FOXN4: variants seen among roughly 807,000 people sequenced by gnomAD.
The protein encoded by FOXN4 is forkhead box protein N4.
Under a neutral mutation model 45.0 loss-of-function variants are expected in FOXN4, and 12 were observed. The ratio of observed to expected loss-of-function variants is 0.27; its 90% confidence interval spans 0.17 to 0.43. The LOEUF (loss-of-function observed/expected upper bound fraction) is 0.43. FOXN4 is among the 20% of genes least tolerant of loss of function. The pLI is 1.00. For synonymous variants in FOXN4, 297 were observed against 295.0 expected, an observed-to-expected ratio of 1.01 and a Z score of -0.07; for missense variants, 560 against 694.9, an observed-to-expected ratio of 0.81 and a Z score of 2.18.
intron 6 of FOXN4, 172 bp from the exon 7 acceptor site, chr12:109,286,916 C>G (rs2047718172): frequency 7.0e-7 from 1 of 1,419,798 alleles, no homozygotes; most frequent in Non-Finnish European, 9.2e-7. Context: ...CGATGTCTTT[C>G]CCACCCTTTG....
chr12:109,290,251 C>G lies in FOXN4; in HGVS notation c.122G>C (p.Gly41Ala). The change falls in exon 3 of 10, where the codon GGG (glycine) becomes GCG (alanine). Residue 41 changes from glycine to alanine, a missense_variant. By Grantham distance (60) the Gly-to-Ala change is moderately conservative. Transcript: ENST00000299162. The surrounding 1 kb of genome is among the most constrained non-coding windows in gnomAD (Gnocchi z 5.1). ...LATTSDDDLP[G>A]DLQSLSWLTA... Reference sequence around the variant, plus strand: ...GAGCCACGACAGCGACTGCAGGTCCCCGGGAAGGTCATCATCGCTGGTGGT... The same window carrying G: ...GAGCCACGACAGCGACTGCAGGTCCGCGGGAAGGTCATCATCGCTGGTGGT... The G allele has an allele frequency of 6.4e-7, 1 of 1,551,198 alleles. No individual in the cohort carries two copies. The highest frequency in any genetic ancestry group is 1.2e-5 in the South Asian group (1 of 83,974).
At chr12:109,295,382 T>C (rs566959762) in intron 2 of FOXN4, among the ~76,000 whole-genome samples, 26 of 152,330 alleles carry the variant, frequency 1.7e-4, no homozygotes, top group Admixed American at 5.9e-4. Flanking sequence ...TCACTTCAGT[T>C]CCTGGGCGAG....
At chr12:109,298,417 A>C (rs1471159690) in intron 2 of FOXN4, among the ~76,000 whole-genome samples, 4 of 148,936 alleles carry the variant, frequency 2.7e-5, no homozygotes, top group Non-Finnish European at 4.4e-5. Flanking sequence ...AATGGAGTGC[A>C]ATGGCATGAT....
In FOXN4 at chr12:109,291,790, G is replaced by A. The variant is rs1174889949; in HGVS notation, c.87-1504C>T. ...AAACGATTTGAAAACGCGGCCGGCC[G>A]GCCGTGTCAGTGGCAGCAGTTGGTC... On this transcript the variant is annotated intron_variant, in intron 2 of 9. Transcript: ENST00000299162. The surrounding 1 kb of genome is among the most constrained non-coding windows in gnomAD (Gnocchi z 6.6). 2.6e-5 allele frequency among the ~76,000 whole-genome samples: 4 copies of A among 152,048 alleles called. No individual in the cohort carries two copies. The highest frequency in any genetic ancestry group is 2.1e-4 in the South Asian group (1 of 4,818).
chr12:109,286,357 T>C (rs377235975), intron 7 of FOXN4, among the ~76,000 whole-genome samples: 1 of 152,220 alleles, frequency 6.6e-6, no homozygotes, highest in African/African-American at 2.4e-5. Flanking sequence ...TTCTGTTGTT[T>C]TGCATCATTA....
At position 109,290,432 on chromosome 12, in the gene FOXN4, G is replaced by A; in HGVS notation, c.87-146C>T. 1 of 977,176 alleles carries A rather than the reference G, an allele frequency of 1.0e-6. No homozygotes were observed. The highest frequency in any genetic ancestry group is 1.8e-5 in the South Asian group (1 of 54,704). The allele number at this position is 977,176 out of a possible 1,614,324, so 60.5% of individuals were successfully genotyped here. On this transcript the variant is annotated intron_variant, in intron 2 of 9. Coordinates refer to ENST00000299162, the MANE Select transcript of FOXN4 (RefSeq NM_213596.3). The surrounding 1 kb of genome is among the most constrained non-coding windows in gnomAD (Gnocchi z 5.1). ...TCCAACCTGCCCGTCCCCAGGACTG[G>A]ACACGGGAACCTGGTCCCAGATCCC... is the stretch of plus-strand genomic sequence containing the variant.
At chr12:109,296,903 A>T (rs1309795103) in intron 2 of FOXN4, among the ~76,000 whole-genome samples, 3 of 152,202 alleles carry the variant, frequency 2.0e-5, no homozygotes, top group Admixed American at 2.0e-4. Context: ...AGCTAAAGCC[A>T]CTTTCTCACT....
chr12:109,286,886 C>A, intron 6 of FOXN4, 142 bp from the exon 7 acceptor site: 7 of 1,434,690 alleles, frequency 4.9e-6, no homozygotes, highest in Non-Finnish European at 4.6e-6. Context: ...ACAGTGAGCT[C>A]TCAATATCTT....
intron 2 of FOXN4, among the ~76,000 whole-genome samples, chr12:109,306,157 C>T (rs773117112): frequency 1.4e-4 from 22 of 152,156 alleles, no homozygotes; most frequent in Non-Finnish European, 2.6e-4. Flanking sequence ...CCTCCATAGA[C>T]GCGTCTCTTG....
Position 109,290,126 on chromosome 12 carries a change from T to A in FOXN4, c.232+15A>T, listed in dbSNP as rs189272922. On this transcript the variant is annotated intron_variant, in intron 3 of 9. Transcript: ENST00000299162. This position sits in a 1 kb window ranked among gnomAD's most constrained non-coding sequence, Gnocchi z 5.1. ...ATATCACCCTCCTCCCTGCCTACCT[T>A]GTCCCTGAGCCTACCTGGGTGTGGA... 1.8e-3 allele frequency: 2,757 copies of A among 1,534,694 alleles called. 4 individuals are homozygous for A. The highest frequency in any genetic ancestry group is 2.3e-3 in the Non-Finnish European group (2,615 of 1,137,510).
Position 109,290,332 on chromosome 12 carries a change from C to A in FOXN4, c.87-46G>T. The A allele has an allele frequency of 6.6e-7, 1 of 1,504,902 alleles. No individual in the cohort carries two copies. The highest frequency in any genetic ancestry group is 8.9e-7 in the Non-Finnish European group (1 of 1,121,098). 93.2% of individuals were successfully genotyped at this position (1,504,902 alleles called of 1,614,324 possible). ...CTCGGGCGGGAGGGGGAGCTTAGGC[C>A]AGCTCCTGGGGGTGCGTCCCGACCT... On this transcript the variant is annotated intron_variant, in intron 2 of 9. Transcript: ENST00000299162. The surrounding 1 kb of genome is among the most constrained non-coding windows in gnomAD (Gnocchi z 5.1).
intron 7 of FOXN4, 94 bp downstream of exon 7, chr12:109,286,554 C>T: frequency 8.0e-7 from 1 of 1,248,720 alleles, no homozygotes; most frequent in Non-Finnish European, 1.1e-6. Flanking sequence ...AACTGGGAAC[C>T]AAAGAGGGTT....
rs1418064659 is a variant in FOXN4, at chr12:109,291,588, G to GTC, written c.87-1304_87-1303dup. Among the ~76,000 whole-genome samples, 2 of 151,482 alleles carry GTC rather than the reference G, an allele frequency of 1.3e-5. No individual in the cohort carries two copies. The highest frequency in any genetic ancestry group is 6.6e-5 in the Admixed American group (1 of 15,228). On this transcript the variant is annotated intron_variant, in intron 2 of 9. Transcript: ENST00000299162. This position sits in a 1 kb window ranked among gnomAD's most constrained non-coding sequence, Gnocchi z 6.6. Reference sequence around the variant, plus strand: ...GTTCTCCCTCTCCCTCCTCCTCCCTGTCTCTCTCTCTGCTCCTCCCCATCT... The same window carrying GTC: ...GTTCTCCCTCTCCCTCCTCCTCCCTGTCTCTCTCTCTCTGCTCCTCCCCATCT...
chr12:109,293,250 G>A (rs2047785469), intron 2 of FOXN4, among the ~76,000 whole-genome samples: 1 of 152,142 alleles, frequency 6.6e-6, no homozygotes, highest in Admixed American at 6.5e-5. Flanking sequence ...GTCTGGAAAA[G>A]GACCAGGGTT....
At chr12:109,302,119 T>A (rs193030455) in intron 2 of FOXN4, among the ~76,000 whole-genome samples, 47 of 152,322 alleles carry the variant, frequency 3.1e-4, no homozygotes, top group Admixed American at 1.4e-3. Flanking sequence ...AGATACTAAA[T>A]GCCAAGAGGA....
At chr12:109,305,093 G>A (rs2136950041) in intron 2 of FOXN4, among the ~76,000 whole-genome samples, 1 of 152,308 alleles carries the variant, frequency 6.6e-6, no homozygotes, top group East Asian at 1.9e-4. Context: ...CATGGCCAGT[G>A]GGACTTGGGG....
At chr12:109,305,164 C>A (rs2047909956) in intron 2 of FOXN4, among the ~76,000 whole-genome samples, 1 of 152,212 alleles carries the variant, frequency 6.6e-6, no homozygotes, top group Non-Finnish European at 1.5e-5. Flanking sequence ...GGGGCCAAGT[C>A]TCCACTGTAC....
intron 8 of FOXN4, among the ~76,000 whole-genome samples, chr12:109,283,012 C>T (rs1255834373): frequency 6.6e-6 from 1 of 152,052 alleles, no homozygotes; most frequent in African/African-American, 2.4e-5. Context: ...CTTCTCCCTG[C>T]CTTGAGTTGT....
chr12:109,286,302 T>TGACA (rs2136920248), intron 7 of FOXN4, among the ~76,000 whole-genome samples: 1 of 152,338 alleles, frequency 6.6e-6, no homozygotes, highest in East Asian at 1.9e-4. Context: ...TCTCCACCCC[T>TGACA]GACAGATGAG....
Sources: allele counts gnomAD v4.1 joint callset (sites outside exome capture counted in the v4.1 genomes callset), GRCh38; gene constraint gnomAD v4.1.1; non-coding constraint Gnocchi (gnomAD v3.1); transcripts MANE v1.5; gene names NCBI Gene and HGNC (gene_info 2026-07-23, HGNC 2026-07-21).